Variants in GLIS1 observed in about 807,000 individuals in gnomAD.
The protein encoded by GLIS1 is zinc finger protein GLIS1.
GLIS1 carries 24 observed loss-of-function variants against 63.8 expected under a neutral mutation model. The observed-to-expected ratio is 0.38, with a 90% CI of 0.27 to 0.53. GLIS1 has a LOEUF of 0.53. GLIS1 is among the 20% of genes least tolerant of loss of function. The probability of loss-of-function intolerance (pLI) is 0.85; values close to 1 mark genes in which losing one functional copy is unlikely to be tolerated. For synonymous variants in GLIS1, 450 were observed against 482.5 expected (o/e 0.93, Z 0.88); for missense variants, 1,036 against 1,074.1 (o/e 0.96, Z 0.50).
intron 4 of GLIS1, among the ~76,000 whole-genome samples, chr1:53,558,125 A>G (rs372365010): frequency 1.5e-4 from 23 of 152,288 alleles, no homozygotes; most frequent in African/African-American, 5.1e-4. Flanking sequence ...ACACTGTCAA[A>G]CACACGCAAC....
At chr1:53,702,653 G>T (rs898737680) in intron 2 of GLIS1, among the ~76,000 whole-genome samples, 1 of 152,256 alleles carries the variant, frequency 6.6e-6, no homozygotes, top group African/African-American at 2.4e-5. Flanking sequence ...CAGGGCAGGG[G>T]TTACGGCCAC....
chr1:53,697,850 A>C (rs2100482566), intron 2 of GLIS1, among the ~76,000 whole-genome samples: 1 of 152,338 alleles, frequency 6.6e-6, no homozygotes, highest in East Asian at 1.9e-4. Flanking sequence ...AACTTGCTAA[A>C]GTCACAGAGC....
At chr1:53,737,778 C>A (rs1646925333) in intron 2 of GLIS1, 28 bp downstream of exon 2, 1 of 1,230,928 alleles carries the variant, frequency 8.1e-7, no homozygotes, top group East Asian at 3.2e-5. Context: ...ACAGGAGCCG[C>A]CAGGCACGTT....
At chr1:53,713,943 C>T (rs552206391) in intron 2 of GLIS1, among the ~76,000 whole-genome samples, 2 of 152,212 alleles carry the variant, frequency 1.3e-5, no homozygotes, top group African/African-American at 2.4e-5. Context: ...ACACCCTGGC[C>T]CCCTGAGGGC....
chr1:53,654,565 GAGAA>G (rs1202311108), intron 2 of GLIS1, among the ~76,000 whole-genome samples: 1 of 152,216 alleles, frequency 6.6e-6, no homozygotes, highest in Non-Finnish European at 1.5e-5. Flanking sequence ...ATGAGATTGA[GAGAA>G]AGAAAGGTCA....
At chr1:53,713,540 C>G (rs552430129) in intron 2 of GLIS1, among the ~76,000 whole-genome samples, 1 of 152,206 alleles carries the variant, frequency 6.6e-6, no homozygotes, top group South Asian at 2.1e-4. Context: ...CACAGTAAGA[C>G]CTCGTCTCTT....
At chr1:53,661,004 A>T (rs1438454150) in intron 2 of GLIS1, among the ~76,000 whole-genome samples, 1 of 152,212 alleles carries the variant, frequency 6.6e-6, no homozygotes, top group East Asian at 1.9e-4. Flanking sequence ...CCACCCGTCC[A>T]CTGAGTGGCC....
intron 2 of GLIS1, among the ~76,000 whole-genome samples, chr1:53,612,542 TTA>T (rs1358569382): frequency 2.0e-5 from 3 of 152,062 alleles, no homozygotes; most frequent in Non-Finnish European, 1.5e-5. Flanking sequence ...GCCTGGCCTG[TTA>T]GGCTTACTTT....
chr1:53,515,079 ATGTGTGTGTGTGTG>A (rs5774151), intron 7 of GLIS1, among the ~76,000 whole-genome samples: 22 of 142,096 alleles, frequency 1.5e-4, no homozygotes, highest in African/African-American at 3.4e-4. Flanking sequence ...GTGTGTGTAT[ATGTGTGTGTGTGTG>A]TGTGTGTGTG....
intron 2 of GLIS1, among the ~76,000 whole-genome samples, chr1:53,624,607 C>T (rs1198078389): frequency 6.6e-6 from 1 of 151,646 alleles, no homozygotes; most frequent in African/African-American, 2.4e-5. Context: ...GTGGCGCAAT[C>T]CTAGCTCACT....
intron 2 of GLIS1, among the ~76,000 whole-genome samples, chr1:53,656,852 CAGTT>C (rs1340952985): frequency 6.6e-6 from 1 of 152,220 alleles, no homozygotes; most frequent in East Asian, 1.9e-4. Flanking sequence ...GTGTGGCAGT[CAGTT>C]AGGGGCAGAG....
rs575595911 is a variant in GLIS1, at chr1:53,601,342, T to A, written c.260-1064A>T. On this transcript the variant is annotated intron_variant, in intron 2 of 10. Coordinates refer to ENST00000628545, the MANE Select transcript of GLIS1 (RefSeq NM_001367484.1). ...GTGGATGCACCAAGAAGGAAAATTG[T>A]TCTTATTGTTAAACAGCACTTCAAC... 1.6e-4 allele frequency among the ~76,000 whole-genome samples: 24 copies of A among 152,350 alleles called. No homozygotes were observed. In the South Asian group the frequency reaches 4.4e-3, roughly 28 times the overall value.
At chr1:53,600,759 T>G (rs547518459) in intron 2 of GLIS1, among the ~76,000 whole-genome samples, 137 of 152,324 alleles carry the variant, frequency 9.0e-4, no homozygotes, top group African/African-American at 3.1e-3. Context: ...AAGGAGTACG[T>G]GCTCACTAAA....
At chr1:53,528,093 G>C (rs1280432185) in intron 5 of GLIS1, among the ~76,000 whole-genome samples, 1 of 152,182 alleles carries the variant, frequency 6.6e-6, no homozygotes, top group Non-Finnish European at 1.5e-5. Flanking sequence ...ACATAACTGG[G>C]GGTGCTGGGG....
Position 53,640,620 on chromosome 1 carries a change from A to T in GLIS1, c.260-40342T>A, listed in dbSNP as rs561835935. ...GCTATGTGCTGGCCCCTCTCTGAGC[A>T]CTTCACTTGGACTGTCCTCCACTCC... On this transcript the variant is annotated intron_variant, in intron 2 of 10. Transcript: ENST00000628545. Among the ~76,000 whole-genome samples the T allele has an allele frequency of 2.0e-5, 3 of 152,264 alleles. No homozygotes were observed. In the East Asian group the frequency reaches 5.8e-4, roughly 29 times the overall value.
intron 2 of GLIS1, among the ~76,000 whole-genome samples, chr1:53,627,767 G>A (rs1557489082): frequency 6.6e-6 from 1 of 152,216 alleles, no homozygotes; most frequent in Non-Finnish European, 1.5e-5. Context: ...AGAGGAGGTG[G>A]AGGGGAGGAG....
intron 2 of GLIS1, among the ~76,000 whole-genome samples, chr1:53,640,591 A>G (rs1479839228): frequency 6.6e-6 from 1 of 152,142 alleles, no homozygotes; most frequent in African/African-American, 2.4e-5. Context: ...TCCACTGAGC[A>G]CCTGCTATGT....
intron 2 of GLIS1, among the ~76,000 whole-genome samples, chr1:53,694,687 A>G (rs1646446143): frequency 6.6e-6 from 1 of 152,168 alleles, no homozygotes; most frequent in African/African-American, 2.4e-5. Flanking sequence ...CTTGGGGTAG[A>G]AGGAGTTATT....
chr1:53,731,638 C>A lies in GLIS1; in HGVS notation c.259+6168G>T, dbSNP rs941619655. On this transcript the variant is annotated intron_variant, in intron 2 of 10. Coordinates refer to ENST00000628545, the MANE Select transcript of GLIS1 (RefSeq NM_001367484.1). The stretch of plus-strand genomic sequence containing the variant: ...TCACTTTGCCTTTCCAAGCCTCAGT[C>A]CCCCCATCTTTAAAATTAGAACAGT... Among the ~76,000 whole-genome samples the A allele has an allele frequency of 5.3e-5, 8 of 152,160 alleles. No individual in the cohort carries two copies. In the East Asian group the frequency reaches 7.7e-4, roughly 15 times the overall value.
Sources: gnomAD v4.1 joint callset for allele counts (sites outside exome capture counted in the v4.1 genomes callset) on GRCh38, gnomAD v4.1.1 for gene constraint, MANE v1.5 for transcripts, NCBI Gene and HGNC (gene_info 2026-07-23, HGNC 2026-07-21) for gene names.